ITGA1: variants seen among roughly 807,000 people sequenced by gnomAD.
ITGA1 encodes the protein integrin subunit alpha 1.
In ITGA1, 85 loss-of-function variants were observed where a neutral mutation model predicts 145.9. That is an observed-to-expected ratio of 0.58 (90% CI 0.49 to 0.70). The LOEUF is 0.70. Among genes scored for constraint, ITGA1 ranks in the 30% least tolerant of loss-of-function variants. The pLI is 0.00. For synonymous variants in ITGA1, 520 were observed against 495.3 expected, an observed-to-expected ratio of 1.05 and a Z score of -0.66; for missense variants, 1,351 against 1,418.7, an observed-to-expected ratio of 0.95 and a Z score of 0.77.
Position 52,788,365 on chromosome 5 carries a change from G to A in ITGA1, c.12G>A (p.Arg4=). 2 of 1,511,290 alleles carry A rather than the reference G, an allele frequency of 1.3e-6. No homozygotes were observed. The highest frequency in any genetic ancestry group is 1.4e-5 in the African/African-American group (1 of 69,618). The allele number at this position is 1,511,290 out of a possible 1,614,324, so 93.6% of individuals were successfully genotyped here. The change falls in exon 1 of 29, where the codon CGG becomes CGA. Residue 4 remains arginine (R), a synonymous_variant. Coordinates refer to ENST00000282588, the MANE Select transcript of ITGA1 (RefSeq NM_181501.2). ...AGGCTGCTCCGGCCATGGCCCCTCG[G>A]CCCCGCGCCCGCCCAGGGGTCGCTG... is the stretch of plus-strand genomic sequence containing the variant. MAP[R]PRARPGVAVA... is the part of the protein sequence containing the mutation.
At chr5:52,926,225 GT>G (rs1561251611) in intron 19 of ITGA1, among the ~76,000 whole-genome samples, 2 of 152,034 alleles carry the variant, frequency 1.3e-5, no homozygotes, top group Non-Finnish European at 2.9e-5. Context: ...CTCTCTATCT[GT>G]TAGGATATCA....
chr5:52,926,474 C>G (rs1750812198), intron 19 of ITGA1, among the ~76,000 whole-genome samples: 1 of 148,402 alleles, frequency 6.7e-6, no homozygotes, highest in African/African-American at 2.5e-5. Flanking sequence ...TGGTGGCACA[C>G]ACCTGTAGTC....
intron 8 of ITGA1, among the ~76,000 whole-genome samples, chr5:52,891,204 T>C (rs1454013695): frequency 2.0e-5 from 3 of 152,088 alleles, no homozygotes; most frequent in African/African-American, 7.2e-5. Context: ...AGTGCAGATA[T>C]TTCTTCAATA....
At chr5:52,948,680 CT>C (rs1751170921) in intron 28 of ITGA1, 1 of 152,246 alleles carries the variant, frequency 6.6e-6, no homozygotes, top group Non-Finnish European at 1.5e-5. Context: ...CTTTGCCACA[CT>C]GTGGTACCCA....
intron 2 of ITGA1, 133 bp from the exon 3 acceptor site, chr5:52,861,314 T>C: frequency 1.6e-6 from 1 of 632,492 alleles, no homozygotes; most frequent in South Asian, 2.0e-5. Context: ...TTACATAACA[T>C]TAAATTACTA....
chr5:52,920,528 T>G (rs1750715634), intron 17 of ITGA1, 60 bp downstream of exon 17: 1 of 1,279,054 alleles, frequency 7.8e-7, no homozygotes, highest in South Asian at 2.0e-5. Flanking sequence ...TAGAGATGTC[T>G]TATTTCAAGT....
At chr5:52,862,496 T>C (rs2111773332) in intron 3 of ITGA1, among the ~76,000 whole-genome samples, 1 of 152,296 alleles carries the variant, frequency 6.6e-6, no homozygotes, top group South Asian at 2.1e-4. Context: ...ACCGTACTAA[T>C]TTTATAACTT....
chr5:52,887,155 T>C lies in ITGA1; in HGVS notation c.774-660T>C, dbSNP rs75185055. On this transcript the variant is annotated intron_variant, in intron 7 of 28. Transcript: ENST00000282588. ...TAACACATAGTTCAGGCCAAATGTTTTGTAACTCCTTCAACCACTTTTTGC... is the reference window on the plus strand; with the variant it reads ...TAACACATAGTTCAGGCCAAATGTTCTGTAACTCCTTCAACCACTTTTTGC... 8.6e-3 allele frequency among the ~76,000 whole-genome samples: 1,308 copies of C among 152,242 alleles called. 27 individuals are homozygous for C. The highest frequency in any genetic ancestry group is 0.03 in the African/African-American group (1,251 of 41,524).
chr5:52,927,820 A>G (rs1283897655), intron 20 of ITGA1, among the ~76,000 whole-genome samples, 156 bp downstream of exon 20: 1 of 152,238 alleles, frequency 6.6e-6, no homozygotes. Context: ...TATGGTCAGA[A>G]TGTTTGTGCC....
intron 2 of ITGA1, among the ~76,000 whole-genome samples, chr5:52,856,564 C>T (rs936824776): frequency 1.3e-5 from 2 of 152,050 alleles, no homozygotes; most frequent in South Asian, 4.1e-4. Context: ...GACAGACCTA[C>T]GTATGCCTTA....
At chr5:52,886,607 T>A (rs1750053406) in intron 7 of ITGA1, among the ~76,000 whole-genome samples, 2 of 152,298 alleles carry the variant, frequency 1.3e-5, no homozygotes, top group South Asian at 4.2e-4. Flanking sequence ...TATACTCATC[T>A]CTTCCAAGAC....
chr5:52,795,868 C>T (rs1430132924), intron 1 of ITGA1, among the ~76,000 whole-genome samples: 5 of 151,816 alleles, frequency 3.3e-5, no homozygotes, highest in East Asian at 1.9e-4. Context: ...AGCTTTATTG[C>T]GGTCTGGGAC....
At chr5:52,791,016 G>T (rs1431873335) in intron 1 of ITGA1, among the ~76,000 whole-genome samples, 3 of 151,964 alleles carry the variant, frequency 2.0e-5, no homozygotes, top group Admixed American at 6.5e-5. Flanking sequence ...TTCCAAACTG[G>T]GTTTACATCA....
intron 1 of ITGA1, among the ~76,000 whole-genome samples, chr5:52,810,380 C>T (rs72754580): frequency 0.023 from 3,512 of 152,272 alleles, 52 homozygotes; most frequent in Middle Eastern, 0.085. Context: ...TTTTATCTTT[C>T]GTTGTAAAAC....
At chr5:52,841,466 A>C (rs1459043040) in intron 1 of ITGA1, among the ~76,000 whole-genome samples, 2 of 152,184 alleles carry the variant, frequency 1.3e-5, no homozygotes, top group Non-Finnish European at 2.9e-5. Context: ...AAAAATACTC[A>C]TTTCAGATTT....
chr5:52,882,426 T>C (rs1288466467), intron 7 of ITGA1, among the ~76,000 whole-genome samples: 1 of 152,160 alleles, frequency 6.6e-6, no homozygotes. Flanking sequence ...AGAATGTCCA[T>C]GTATTTTCAG....
At chr5:52,942,420 T>A (rs2406372) in intron 26 of ITGA1, among the ~76,000 whole-genome samples, 245 of 152,284 alleles carry the variant, frequency 1.6e-3, no homozygotes, top group African/African-American at 5.7e-3. Context: ...ATTTGTCTCA[T>A]CTCTGATTTC....
At chr5:52,847,136 G>T (rs1028648988) in intron 1 of ITGA1, among the ~76,000 whole-genome samples, 1 of 152,102 alleles carries the variant, frequency 6.6e-6, no homozygotes, top group African/African-American at 2.4e-5. Context: ...ATCTCCATGA[G>T]AGGTTTCTTA....
chr5:52,902,205 T>C (rs1750326743), intron 11 of ITGA1: 1 of 152,194 alleles, frequency 6.6e-6, no homozygotes, highest in Non-Finnish European at 1.5e-5. Context: ...ATCAGGAAAC[T>C]GTAAGAACTC....
Sources: allele counts gnomAD v4.1 joint callset (sites outside exome capture counted in the v4.1 genomes callset), GRCh38; gene constraint gnomAD v4.1.1; transcripts MANE v1.5; gene names NCBI Gene and HGNC (gene_info 2026-07-23, HGNC 2026-07-21).